Variants in CSMD2 observed in about 807,000 individuals in gnomAD.
CSMD2 encodes CUB and sushi domain-containing protein 2.
CSMD2 carries 130 observed loss-of-function variants against 398.5 expected under a neutral mutation model. That is an observed-to-expected ratio of 0.33 (90% CI 0.28 to 0.38). CSMD2 has a LOEUF of 0.38. CSMD2 is among the 10% of genes least tolerant of loss of function. The pLI is 1.00. For synonymous variants in CSMD2, 1,828 were observed against 1,908.5 expected (o/e 0.96, Z 1.10); for missense variants, 3,829 against 4,764.9 (o/e 0.80, Z 5.78).
At chr1:34,020,089 G>A (rs1428174309) in intron 3 of CSMD2, among the ~76,000 whole-genome samples, 6 of 152,340 alleles carry the variant, frequency 3.9e-5, no homozygotes, top group Admixed American at 3.9e-4. Context: ...ATGTCAGGAG[G>A]TGCTAGGGAG....
rs1367173840 is a variant in CSMD2 at position 33,515,430 on chromosome 1, C to T, written c.*1194G>A. ...TGCTACTGTAGAGATTCATCGGCTC[C>T]TCCCTTCTTAGCTGCCCCTTCTAGA... On this transcript the variant is annotated 3_prime_UTR_variant, in exon 71 of 71. Coordinates refer to ENST00000373381, the MANE Select transcript of CSMD2 (RefSeq NM_001281956.2). The T allele has an allele frequency of 1.3e-5, 2 of 152,272 alleles. No homozygotes were observed. The highest frequency in any genetic ancestry group is 6.5e-5 in the Admixed American group (1 of 15,284). 9.4% of individuals were successfully genotyped at this position (152,272 alleles called of 1,614,324 possible). A position where few individuals can be genotyped will look rare whatever the true frequency, so the allele number is the denominator to read the frequency against.
At chr1:33,649,051 T>G (rs1252036241) in intron 28 of CSMD2, among the ~76,000 whole-genome samples, 1 of 152,244 alleles carries the variant, frequency 6.6e-6, no homozygotes, top group African/African-American at 2.4e-5. Flanking sequence ...ATTTTCATCT[T>G]AAATTCAATT....
rs541948826 is a variant in CSMD2 at position 34,092,651 on chromosome 1, G to A, written c.188-3458C>T. 2.2e-4 allele frequency among the ~76,000 whole-genome samples: 34 copies of A among 152,280 alleles called. 1 individual carries two copies. In the East Asian group the frequency reaches 4.6e-3, roughly 21 times the overall value. ...CTAATCAAAGAAAGGGGTGACGGACGGCACCTGGAGAATCGGGTCACTCCC... is the reference window on the plus strand; with the variant it reads ...CTAATCAAAGAAAGGGGTGACGGACAGCACCTGGAGAATCGGGTCACTCCC... On this transcript the variant is annotated intron_variant, in intron 1 of 70. Coordinates refer to ENST00000373381, the MANE Select transcript of CSMD2 (RefSeq NM_001281956.2).
At chr1:34,108,744 T>C (rs1660763901) in intron 1 of CSMD2, among the ~76,000 whole-genome samples, 1 of 152,160 alleles carries the variant, frequency 6.6e-6, no homozygotes, top group Non-Finnish European at 1.5e-5. Context: ...TGCAGCTCCA[T>C]TCAGAATCCT....
rs1400860239 is a variant in CSMD2, at chr1:33,698,909, G to T, written c.3769C>A (p.Pro1257Thr). Reference protein sequence around the residue: ...ELIKCEDPGTPKFGYKVHDEG... With the variant: ...ELIKCEDPGTTKFGYKVHDEG... ...TCATGAACCTTGTAGCCAAACTTGG[G>T]GGTTCCTGGGTCCTCACATTTGATG... is the stretch of plus-strand genomic sequence containing the variant. Residue 1257 changes from proline to threonine, a missense_variant, in exon 24 of 71, where the codon CCC (proline) becomes ACC (threonine). Transcript: ENST00000373381. The T allele has an allele frequency of 6.2e-7, 1 of 1,613,944 alleles. No homozygotes were observed. The highest frequency in any genetic ancestry group is 1.3e-5 in the African/African-American group (1 of 74,906).
intron 22 of CSMD2, among the ~76,000 whole-genome samples, chr1:33,707,949 A>G (rs1014818805): frequency 2.0e-5 from 3 of 152,184 alleles, no homozygotes; most frequent in Admixed American, 6.5e-5. Context: ...GAATAAAACT[A>G]TATTAGAAAA....
chr1:33,836,510 C>G (rs936989500), intron 6 of CSMD2, among the ~76,000 whole-genome samples: 3 of 152,208 alleles, frequency 2.0e-5, no homozygotes, highest in Non-Finnish European at 4.4e-5. Context: ...GTGGGCTTCA[C>G]CCAGTTCGAG....
chr1:33,716,549 GAA>G, intron 19 of CSMD2, 48 bp from the exon 20 acceptor site: 2 of 1,299,156 alleles, frequency 1.5e-6, no homozygotes, highest in South Asian at 1.4e-5. Flanking sequence ...GATGGCTGGA[GAA>G]CCTCAGCTGC....
intron 3 of CSMD2, among the ~76,000 whole-genome samples, chr1:34,003,601 C>A (rs1227530902): frequency 6.6e-6 from 1 of 152,196 alleles, no homozygotes; most frequent in African/African-American, 2.4e-5. Flanking sequence ...TCTCTGGCTT[C>A]TTCCTTCTTT....
At chr1:34,128,256 G>C (rs1404348247) in intron 1 of CSMD2, among the ~76,000 whole-genome samples, 1 of 152,116 alleles carries the variant, frequency 6.6e-6, no homozygotes, top group Non-Finnish European at 1.5e-5. Flanking sequence ...GGAAGCTTCT[G>C]AGGCTCCTCC....
At position 33,801,223 on chromosome 1, in the gene CSMD2, G is replaced by A. The variant is rs147949086; in HGVS notation, c.1447-8697C>T. On this transcript the variant is annotated intron_variant, in intron 10 of 70. Transcript: ENST00000373381. ...TCACTCTCCATCTCTCTTCTGTCTC[G>A]CTTTTCATTCTTTTCTAGCAAAGGT... Among the ~76,000 whole-genome samples the A allele has an allele frequency of 3.3e-3, 499 of 151,912 alleles. 1 individual carries two copies. Among genetic ancestry groups the A allele is most frequent in the African/African-American group, 0.012 (479 of 41,374 alleles).
At chr1:33,732,655 G>A (rs1342140582) in intron 15 of CSMD2, among the ~76,000 whole-genome samples, 1 of 152,224 alleles carries the variant, frequency 6.6e-6, no homozygotes, top group African/African-American at 2.4e-5. Flanking sequence ...CCAAGTCTGT[G>A]GCACTGTGTT....
At position 34,163,088 on chromosome 1, in the gene CSMD2, A is replaced by G. The variant is rs1033313793; in HGVS notation, c.187+1823T>C. Among the ~76,000 whole-genome samples the G allele has an allele frequency of 3.9e-5, 6 of 152,186 alleles. No individual in the cohort carries two copies. The highest frequency in any genetic ancestry group is 6.5e-5 in the Admixed American group (1 of 15,284). Reference sequence around the variant, plus strand: ...GTGAGTCGGCCTTTTTCTCTCCCCTAGGGGCAGGATATGCCCAAGGGGCAG... The same window carrying G: ...GTGAGTCGGCCTTTTTCTCTCCCCTGGGGGCAGGATATGCCCAAGGGGCAG... On this transcript the variant is annotated intron_variant, in intron 1 of 70. Transcript: ENST00000373381. The surrounding 1 kb of genome is among the most constrained non-coding windows in gnomAD (Gnocchi z 5.4).
chr1:33,680,192 G>T, intron 25 of CSMD2, among the ~76,000 whole-genome samples: 1 of 120,084 alleles, frequency 8.3e-6, no homozygotes, highest in East Asian at 2.5e-4. Context: ...GCAATATTGT[G>T]ATCCCTGCTT....
chr1:33,737,019 C>A (rs1326866148), intron 15 of CSMD2, among the ~76,000 whole-genome samples: 2 of 152,146 alleles, frequency 1.3e-5, no homozygotes, highest in African/African-American at 2.4e-5. Context: ...GATTCACAAC[C>A]CTCCAGACTG....
At chr1:34,132,435 G>A (rs573591109) in intron 1 of CSMD2, among the ~76,000 whole-genome samples, 1 of 151,462 alleles carries the variant, frequency 6.6e-6, no homozygotes, top group East Asian at 2.0e-4. Flanking sequence ...CCCTCCTCTG[G>A]GACCTCCCCC....
intron 6 of CSMD2, among the ~76,000 whole-genome samples, chr1:33,845,668 CT>C (rs932728292): frequency 6.6e-6 from 1 of 152,230 alleles, no homozygotes; most frequent in African/African-American, 2.4e-5. Flanking sequence ...CAGGGTAAGC[CT>C]TTGTTAAGCT....
intron 25 of CSMD2, among the ~76,000 whole-genome samples, chr1:33,686,226 G>A (rs1443835125): frequency 6.6e-6 from 1 of 152,102 alleles, no homozygotes; most frequent in Non-Finnish European, 1.5e-5. Context: ...ATCTGAGCTC[G>A]CCCACTGATT....
At position 34,024,955 on chromosome 1, in the gene CSMD2, A is replaced by T. The variant is rs141556385; in HGVS notation, c.517+7639T>A. On this transcript the variant is annotated intron_variant, in intron 3 of 70. Coordinates refer to ENST00000373381, the MANE Select transcript of CSMD2 (RefSeq NM_001281956.2). ...CAGGTCTAATTACAGGAAAAAACAAAACCAGGAAAGGCCCATTTCTCCCAT... is the reference window on the plus strand; with the variant it reads ...CAGGTCTAATTACAGGAAAAAACAATACCAGGAAAGGCCCATTTCTCCCAT... 3.5e-4 allele frequency among the ~76,000 whole-genome samples: 53 copies of T among 152,240 alleles called. 1 individual carries two copies. Among genetic ancestry groups the T allele is most frequent in the Middle Eastern group, 6.8e-3 (2 of 294 alleles).
Sources: allele counts gnomAD v4.1 joint callset (sites outside exome capture counted in the v4.1 genomes callset), GRCh38; gene constraint gnomAD v4.1.1; non-coding constraint Gnocchi (gnomAD v3.1); transcripts MANE v1.5; gene names NCBI Gene and HGNC (gene_info 2026-07-23, HGNC 2026-07-21).